SLCO3A1: variants seen among roughly 807,000 people sequenced by gnomAD.
The protein encoded by SLCO3A1 is PGE1 transporter.
In SLCO3A1, 27 loss-of-function variants were observed where a neutral mutation model predicts 63.1. The observed-to-expected ratio is 0.43, with a 90% CI of 0.32 to 0.59. SLCO3A1 has a LOEUF of 0.59. SLCO3A1 is among the 20% of genes least tolerant of loss of function. The pLI is 0.09. For missense variants in SLCO3A1, 773 were observed against 945.8 expected, an observed-to-expected ratio of 0.82 and a Z score of 2.40; for synonymous variants, 473 against 409.9, an observed-to-expected ratio of 1.15 and a Z score of -1.86.
intron 2 of SLCO3A1, among the ~76,000 whole-genome samples, chr15:92,074,888 A>C (rs566116131): frequency 3.9e-5 from 6 of 152,158 alleles, no homozygotes; most frequent in African/African-American, 1.2e-4. Context: ...AGTACTTCAC[A>C]CCCGTGGCAT....
chr15:92,128,067 G>A (rs924352239), intron 6 of SLCO3A1, among the ~76,000 whole-genome samples: 1 of 152,164 alleles, frequency 6.6e-6, no homozygotes, highest in Non-Finnish European at 1.5e-5. Flanking sequence ...CTCGCTTCAT[G>A]AGAGGGGCTG....
At chr15:92,061,987 C>T (rs1250535577) in intron 2 of SLCO3A1, among the ~76,000 whole-genome samples, 4 of 152,192 alleles carry the variant, frequency 2.6e-5, no homozygotes, top group South Asian at 2.1e-4. Flanking sequence ...TGACAGACAG[C>T]GCCCCAACTC....
intron 1 of SLCO3A1, among the ~76,000 whole-genome samples, chr15:91,855,488 T>G (rs1896894536): frequency 1.3e-5 from 2 of 152,222 alleles, no homozygotes; most frequent in Admixed American, 6.5e-5. Flanking sequence ...GTCTCTGTCT[T>G]GTGCATTCGT....
chr15:92,083,310 T>C (rs1470308712), intron 2 of SLCO3A1, among the ~76,000 whole-genome samples: 1 of 152,216 alleles, frequency 6.6e-6, no homozygotes, highest in Non-Finnish European at 1.5e-5. Context: ...TCTGCCCTTC[T>C]GCTGCCCAGC....
intron 9 of SLCO3A1, among the ~76,000 whole-genome samples, chr15:92,159,735 T>C (rs2048414461): frequency 6.6e-6 from 1 of 152,050 alleles, no homozygotes; most frequent in Non-Finnish European, 1.5e-5. Flanking sequence ...TGTCATCTGG[T>C]AGTGGAGCTT....
chr15:92,105,462 T>A (rs2047656697), intron 4 of SLCO3A1, among the ~76,000 whole-genome samples: 1 of 152,168 alleles, frequency 6.6e-6, no homozygotes, highest in South Asian at 2.1e-4. Flanking sequence ...AGTGCAACTT[T>A]TCTGACAAAA....
chr15:91,963,097 A>G (rs1400803161), intron 2 of SLCO3A1, among the ~76,000 whole-genome samples: 1 of 152,062 alleles, frequency 6.6e-6, no homozygotes, highest in African/African-American at 2.4e-5. Context: ...CTGCTAAATC[A>G]TGGAGGTTTG....
At chr15:91,957,332 G>A (rs992265211) in intron 2 of SLCO3A1, among the ~76,000 whole-genome samples, 1 of 148,994 alleles carries the variant, frequency 6.7e-6, no homozygotes, top group African/African-American at 2.5e-5. Flanking sequence ...AGCCGCCAAT[G>A]TGGTCTCAAA....
At position 91,883,475 on chromosome 15, in the gene SLCO3A1, C is replaced by A. The variant is rs1279916477; in HGVS notation, c.180+29387C>A. 1.3e-5 allele frequency among the ~76,000 whole-genome samples: 2 copies of A among 152,200 alleles called. No individual in the cohort carries two copies. Among genetic ancestry groups the A allele is most frequent in the African/African-American group, 4.8e-5 (2 of 41,446 alleles). ...TGGGGCTCCCCGGAGGGATGTACCT[C>A]GCACTGACTGGCTGGGGCCCTTCAT... On this transcript the variant is annotated intron_variant, in intron 1 of 9. Coordinates refer to ENST00000318445, the MANE Select transcript of SLCO3A1 (RefSeq NM_013272.4). This position sits in a 1 kb window ranked among gnomAD's most constrained non-coding sequence, Gnocchi z 4.8.
intron 2 of SLCO3A1, among the ~76,000 whole-genome samples, chr15:92,091,834 T>G (rs556044127): frequency 2.0e-5 from 3 of 152,340 alleles, no homozygotes; most frequent in South Asian, 4.1e-4. Context: ...GTCCTGTTCC[T>G]TTTTAGCTTA....
intron 2 of SLCO3A1, among the ~76,000 whole-genome samples, chr15:92,019,071 A>AG (rs1362518007): frequency 2.1e-5 from 3 of 144,314 alleles, no homozygotes; most frequent in Non-Finnish European, 3.1e-5. Flanking sequence ...GCGTCCTGGG[A>AG]GGGGCTGATG....
intron 2 of SLCO3A1, among the ~76,000 whole-genome samples, chr15:91,932,856 C>T (rs1899283022): frequency 6.6e-6 from 1 of 152,202 alleles, no homozygotes; most frequent in Non-Finnish European, 1.5e-5. Context: ...GGGCACTGAT[C>T]TTTAATTGGT....
intron 8 of SLCO3A1, among the ~76,000 whole-genome samples, chr15:92,150,646 CAT>C (rs1462361102): frequency 6.6e-6 from 1 of 152,038 alleles, no homozygotes; most frequent in African/African-American, 2.4e-5. Flanking sequence ...GCAAAACCAA[CAT>C]GTCTTTAAAC....
intron 9 of SLCO3A1, among the ~76,000 whole-genome samples, chr15:92,157,751 C>G (rs372030521): frequency 7.2e-5 from 11 of 152,130 alleles, no homozygotes; most frequent in African/African-American, 2.4e-4. Flanking sequence ...TTCCTGAACA[C>G]GGAACAAAAG....
intron 7 of SLCO3A1, among the ~76,000 whole-genome samples, chr15:92,130,251 C>T (rs1288673027): frequency 6.6e-6 from 1 of 152,246 alleles, no homozygotes; most frequent in Non-Finnish European, 1.5e-5. Flanking sequence ...GTGGCTGCAT[C>T]CCACTGCTGA....
At chr15:92,001,289 G>A (rs760749005) in intron 2 of SLCO3A1, among the ~76,000 whole-genome samples, 2 of 152,096 alleles carry the variant, frequency 1.3e-5, no homozygotes, top group Non-Finnish European at 2.9e-5. Context: ...CAACCACTGG[G>A]AATGCCTCAA....
chr15:91,958,474 T>C (rs554669856), intron 2 of SLCO3A1, among the ~76,000 whole-genome samples: 28 of 152,348 alleles, frequency 1.8e-4, no homozygotes, highest in African/African-American at 6.7e-4. Context: ...AGTCGGGTAA[T>C]GCTGGGCAAG....
At chr15:92,118,804 A>G (rs1036557369) in intron 4 of SLCO3A1, among the ~76,000 whole-genome samples, 1 of 149,840 alleles carries the variant, frequency 6.7e-6, no homozygotes, top group Non-Finnish European at 1.5e-5. Context: ...GCATAGGTGG[A>G]AACAAGTAAA....
At chr15:91,929,088 A>G (rs1899132381) in intron 2 of SLCO3A1, among the ~76,000 whole-genome samples, 1 of 152,226 alleles carries the variant, frequency 6.6e-6, no homozygotes, top group African/African-American at 2.4e-5. Flanking sequence ...GAGATAATGT[A>G]ATCCCCAAGA....
Sources: gnomAD v4.1 joint callset for allele counts (sites outside exome capture counted in the v4.1 genomes callset) on GRCh38, gnomAD v4.1.1 for gene constraint, Gnocchi (gnomAD v3.1) non-coding constraint, MANE v1.5 for transcripts, NCBI Gene and HGNC (gene_info 2026-07-23, HGNC 2026-07-21) for gene names.